GALNTL6: variants seen among roughly 807,000 people sequenced by gnomAD.
The protein encoded by GALNTL6 is polypeptide N-acetylgalactosaminyltransferase like 6, also known as polypeptide N-acetylgalactosaminyltransferase-like 6.
A neutral mutation model predicts 73.7 loss-of-function variants in GALNTL6; 46 were observed. That is an observed-to-expected ratio of 0.62 (90% CI 0.49 to 0.80). The LOEUF is 0.80. Among genes scored for constraint, GALNTL6 ranks in the 30% least tolerant of loss-of-function variants. The pLI is 0.00. For missense variants in GALNTL6, 604 were observed against 755.0 expected, an observed-to-expected ratio of 0.80 and a Z score of 2.34; for synonymous variants, 259 against 263.7, an observed-to-expected ratio of 0.98 and a Z score of 0.17.
At position 172,056,936 on chromosome 4, in the gene GALNTL6, T is replaced by C. The variant is rs1419327906; in HGVS notation, c.139-172720T>C. Reference sequence around the variant, plus strand: ...AAAACATTACAAATATTTTAAATTATGGTTTTAAAATTAAAATATTTTAAT... The same window carrying C: ...AAAACATTACAAATATTTTAAATTACGGTTTTAAAATTAAAATATTTTAAT... On this transcript the variant is annotated intron_variant, in intron 2 of 12. Transcript: ENST00000506823. Among the ~76,000 whole-genome samples, 4 of 152,134 alleles carry C rather than the reference T, an allele frequency of 2.6e-5. No homozygotes were observed. The East Asian group carries it at 7.7e-4, about 29-fold the overall frequency.
intron 5 of GALNTL6, among the ~76,000 whole-genome samples, chr4:172,754,601 A>T (rs1016596785): frequency 6.6e-6 from 1 of 152,162 alleles, no homozygotes; most frequent in African/African-American, 2.4e-5. Context: ...ACAGATTTTG[A>T]TCTTGGTGCT....
chr4:171,941,508 C>T (rs759014057), intron 2 of GALNTL6, among the ~76,000 whole-genome samples: 5 of 152,158 alleles, frequency 3.3e-5, no homozygotes, highest in Admixed American at 1.3e-4. Flanking sequence ...GTATGGGACA[C>T]GTTAAAGCCA....
intron 5 of GALNTL6, among the ~76,000 whole-genome samples, chr4:172,736,316 C>T (rs1243845137): frequency 5.3e-5 from 8 of 152,236 alleles, no homozygotes; most frequent in Non-Finnish European, 1.0e-4. Context: ...ACAATATTTT[C>T]CCAGGGCTGT....
chr4:172,207,600 C>G (rs1736180129), intron 2 of GALNTL6, among the ~76,000 whole-genome samples: 1 of 152,202 alleles, frequency 6.6e-6, no homozygotes, highest in African/African-American at 2.4e-5. Flanking sequence ...TACAACACCT[C>G]TTTCTGGGAA....
chr4:172,719,709 C>A (rs1239381318), intron 5 of GALNTL6, among the ~76,000 whole-genome samples: 5 of 151,942 alleles, frequency 3.3e-5, no homozygotes, highest in Non-Finnish European at 5.9e-5. Flanking sequence ...GATCCAGACC[C>A]CAAGAGAGGG....
chr4:172,143,074 T>C (rs1250093133), intron 2 of GALNTL6, among the ~76,000 whole-genome samples: 2 of 152,080 alleles, frequency 1.3e-5, no homozygotes, highest in Non-Finnish European at 2.9e-5. Flanking sequence ...GCCTATTGCA[T>C]GTTGGATACT....
intron 5 of GALNTL6, among the ~76,000 whole-genome samples, chr4:172,761,403 A>G (rs1286824136): frequency 6.6e-6 from 1 of 152,200 alleles, no homozygotes; most frequent in African/African-American, 2.4e-5. Flanking sequence ...AGAAAACTAT[A>G]GATTGAGTAT....
At chr4:172,972,713 G>A (rs969094447) in intron 10 of GALNTL6, among the ~76,000 whole-genome samples, 1 of 152,194 alleles carries the variant, frequency 6.6e-6, no homozygotes, top group Non-Finnish European at 1.5e-5. Flanking sequence ...AGGGAAGAAA[G>A]CTTTCAAAGG....
intron 5 of GALNTL6, among the ~76,000 whole-genome samples, chr4:172,611,813 A>G (rs73869561): frequency 0.011 from 1,745 of 152,154 alleles, 37 homozygotes; most frequent in African/African-American, 0.04. Flanking sequence ...TTTCAAGGGT[A>G]TATATCAAGA....
At chr4:172,662,589 C>G (rs1731434963) in intron 5 of GALNTL6, among the ~76,000 whole-genome samples, 1 of 152,206 alleles carries the variant, frequency 6.6e-6, no homozygotes, top group Non-Finnish European at 1.5e-5. Context: ...CTGCATCATA[C>G]TAAGCCTCTG....
At chr4:172,607,994 T>C (rs1480061366) in intron 5 of GALNTL6, among the ~76,000 whole-genome samples, 1 of 152,142 alleles carries the variant, frequency 6.6e-6, no homozygotes, top group Middle Eastern at 3.2e-3. Flanking sequence ...ATTAATTTTT[T>C]CAAAAAATCA....
intron 5 of GALNTL6, among the ~76,000 whole-genome samples, chr4:172,460,610 G>T (rs1224687427): frequency 2.6e-5 from 4 of 152,170 alleles, no homozygotes; most frequent in Non-Finnish European, 5.9e-5. Context: ...ACAAACATAT[G>T]ACAAAAAGCT....
chr4:172,809,688 T>C lies in GALNTL6; in HGVS notation c.739+142T>C, dbSNP rs944807189. The C allele has an allele frequency of 5.9e-5, 35 of 595,232 alleles. No individual in the cohort carries two copies. The highest frequency in any genetic ancestry group is 9.1e-5 in the Non-Finnish European group (32 of 350,028). The allele number at this position is 595,232 out of a possible 1,614,324, so 36.9% of individuals were successfully genotyped here. A position where few individuals can be genotyped will look rare whatever the true frequency, so the allele number is the denominator to read the frequency against. ...AAGCCTTGAATTTTATATTTACCACTGCTGAAAACAGTTTACTAGGTAACT... is the reference window on the plus strand; with the variant it reads ...AAGCCTTGAATTTTATATTTACCACCGCTGAAAACAGTTTACTAGGTAACT... On this transcript the variant is annotated intron_variant, in intron 6 of 12. Transcript: ENST00000506823. This position sits in a 1 kb window ranked among gnomAD's most constrained non-coding sequence, Gnocchi z 4.4.
intron 5 of GALNTL6, among the ~76,000 whole-genome samples, chr4:172,592,471 A>AG (rs1210005232): frequency 6.6e-6 from 1 of 152,150 alleles, no homozygotes; most frequent in Non-Finnish European, 1.5e-5. Context: ...GGGGATAAAC[A>AG]GGCCATATCA....
intron 2 of GALNTL6, among the ~76,000 whole-genome samples, chr4:171,979,885 G>A (rs1028535156): frequency 1.3e-5 from 2 of 151,990 alleles, no homozygotes; most frequent in African/African-American, 4.8e-5. Context: ...TTGTTAGTTG[G>A]AAGAAACTAT....
intron 2 of GALNTL6, among the ~76,000 whole-genome samples, chr4:172,222,084 T>C (rs1018069263): frequency 6.6e-6 from 1 of 151,812 alleles, no homozygotes; most frequent in African/African-American, 2.4e-5. Context: ...CAACACAAAA[T>C]GTTTTTTCTT....
intron 2 of GALNTL6, among the ~76,000 whole-genome samples, chr4:172,089,551 G>C (rs1294996731): frequency 6.6e-6 from 1 of 151,994 alleles, no homozygotes; most frequent in Admixed American, 6.6e-5. Flanking sequence ...GAGATTCATA[G>C]CCCAATATTG....
chr4:172,962,407 G>GT (rs908816971), intron 10 of GALNTL6, among the ~76,000 whole-genome samples: 6 of 152,078 alleles, frequency 3.9e-5, no homozygotes, highest in South Asian at 2.1e-4. Flanking sequence ...GATTTCACTA[G>GT]TTTTTTTTGC....
chr4:172,352,965 TAGAC>T (rs1741991758), intron 5 of GALNTL6, among the ~76,000 whole-genome samples: 1 of 152,122 alleles, frequency 6.6e-6, no homozygotes, highest in Non-Finnish European at 1.5e-5. Flanking sequence ...TACTTTTGCT[TAGAC>T]AGCCCGCACT....
Sources: allele counts gnomAD v4.1 joint callset (sites outside exome capture counted in the v4.1 genomes callset), GRCh38; gene constraint gnomAD v4.1.1; non-coding constraint Gnocchi (gnomAD v3.1); transcripts MANE v1.5; gene names NCBI Gene and HGNC (gene_info 2026-07-23, HGNC 2026-07-21).